Variants in C11orf65 observed in about 807,000 individuals in gnomAD.
C11orf65 encodes chromosome 11 open reading frame 65, also known as protein MFI.
C11orf65 carries 38 observed loss-of-function variants against 35.3 expected under a neutral mutation model. That is an observed-to-expected ratio of 1.08 (90% confidence interval 0.83 to 1.41). The LOEUF (loss-of-function observed/expected upper bound fraction) is 1.41. C11orf65 is among the 40% of genes most tolerant of loss of function. The pLI, the probability that C11orf65 is intolerant of heterozygous loss-of-function variation, is 0.00. For missense variants in C11orf65, 370 were observed against 367.1 expected (o/e 1.01, Z -0.06); for synonymous variants, 105 against 114.4 (o/e 0.92, Z 0.53).
At position 108,424,871 on chromosome 11, in the gene C11orf65, T is replaced by C. The variant is rs549437262; in HGVS notation, c.174+6875A>G. ...TAAAACTCACTCAAAACTGCACAACTACATGGAACCTTAACACCTGCTCCT... is the reference window on the plus strand; with the variant it reads ...TAAAACTCACTCAAAACTGCACAACCACATGGAACCTTAACACCTGCTCCT... On this transcript the variant is annotated intron_variant, in intron 3 of 8. Transcript: ENST00000393084. Among the ~76,000 whole-genome samples the C allele has an allele frequency of 7.0e-4, 106 of 152,232 alleles. 1 individual carries two copies. The South Asian group carries it at 0.021, about 31-fold the overall frequency.
At chr11:108,462,120 T>C (rs1045222023) in intron 1 of C11orf65, among the ~76,000 whole-genome samples, 2 of 152,242 alleles carry the variant, frequency 1.3e-5, no homozygotes, top group African/African-American at 2.4e-5. Context: ...CATAGGTCAC[T>C]GCAGCCTTGA....
chr11:108,352,449 G>A (rs760432172), intron 2 of C11orf65, among the ~76,000 whole-genome samples: 8 of 152,080 alleles, frequency 5.3e-5, no homozygotes, highest in East Asian at 1.9e-4. Context: ...AGACAGAGCC[G>A]TAGAAATTAC....
At chr11:108,438,751 A>G (rs2093105691) in intron 2 of C11orf65, among the ~76,000 whole-genome samples, 1 of 151,888 alleles carries the variant, frequency 6.6e-6, no homozygotes, top group Non-Finnish European at 1.5e-5. Context: ...CACGCTTGTA[A>G]TCCTAGCACT....
At chr11:108,325,045 A>G (rs1028241762) in intron 6 of C11orf65, among the ~76,000 whole-genome samples, 26 of 152,106 alleles carry the variant, frequency 1.7e-4, no homozygotes, top group African/African-American at 6.0e-4. Context: ...GCTTTTTGTA[A>G]TGTCAGAGTA....
rs143619765 is a variant in C11orf65 at position 108,383,065 on chromosome 11, G to T, written c.898C>A (p.Pro300Thr). The change falls in exon 9 of 9, where the codon CCA becomes ACA. Residue 300 changes from proline to threonine, a missense_variant. By Grantham distance (38) the Pro-to-Thr change is conservative. Transcript: ENST00000393084. The stretch of plus-strand genomic sequence containing the variant: ...TCAGGCGTTAATCTAGTTACATTTG[G>T]TTCTTGATAAACATTTTCATAGTAA... ...DTYYENVYQE[P>T]NVTRLTPDST... 2.7e-5 allele frequency: 43 copies of T among 1,611,338 alleles called. No individual in the cohort carries two copies. Among genetic ancestry groups the T allele is most frequent in the Non-Finnish European group, 3.5e-5 (41 of 1,179,004 alleles).
chr11:108,364,198 CTG>C (rs1183069486), intron 2 of C11orf65, among the ~76,000 whole-genome samples: 3 of 152,200 alleles, frequency 2.0e-5, no homozygotes, highest in Non-Finnish European at 4.4e-5. Flanking sequence ...TACTGAGAAA[CTG>C]TATACAGATA....
At chr11:108,323,676 A>C (rs1376267463) in intron 6 of C11orf65, among the ~76,000 whole-genome samples, 1 of 152,220 alleles carries the variant, frequency 6.6e-6, no homozygotes, top group African/African-American at 2.4e-5. Context: ...AATATGTACA[A>C]CTATTATGTA....
chr11:108,469,441 T>C (rs1237677413), upstream of C11orf65, among the ~76,000 whole-genome samples: 1 of 151,596 alleles, frequency 6.6e-6, no homozygotes, highest in Non-Finnish European at 1.5e-5. Context: ...ATACTGCTGT[T>C]TAGATATTAT....
intron 8 of C11orf65, 70 bp from the exon 9 acceptor site, chr11:108,383,245 G>A (rs2091905431): frequency 9.5e-6 from 12 of 1,263,000 alleles, no homozygotes; most frequent in South Asian, 8.9e-5. Context: ...ATGCTACTGT[G>A]TTGTGGTCTG....
At chr11:108,412,180 G>T (rs1054180427) in intron 3 of C11orf65, among the ~76,000 whole-genome samples, 2 of 151,968 alleles carry the variant, frequency 1.3e-5, no homozygotes, top group African/African-American at 4.8e-5. Flanking sequence ...AACAGATGGG[G>T]TTTTTGTCAG....
chr11:108,427,756 A>G (rs1005321571), intron 3 of C11orf65, among the ~76,000 whole-genome samples: 4 of 137,620 alleles, frequency 2.9e-5, no homozygotes, highest in African/African-American at 1.1e-4. Flanking sequence ...GCTCATCATT[A>G]CTGGTCATTA....
chr11:108,417,222 C>A (rs576603631), intron 3 of C11orf65, among the ~76,000 whole-genome samples: 1 of 152,150 alleles, frequency 6.6e-6, no homozygotes, highest in East Asian at 1.9e-4. Flanking sequence ...CAAAGAGTAT[C>A]CTACTGGATA....
intron 2 of C11orf65, among the ~76,000 whole-genome samples, chr11:108,438,257 G>T (rs1269353169): frequency 6.6e-6 from 1 of 152,060 alleles, no homozygotes; most frequent in Non-Finnish European, 1.5e-5. Flanking sequence ...AATCAAAATG[G>T]ATCAAAGATT....
downstream of C11orf65, among the ~76,000 whole-genome samples, chr11:108,329,947 G>T (rs1031289152): frequency 6.6e-6 from 1 of 152,192 alleles, no homozygotes; most frequent in Non-Finnish European, 1.5e-5. Context: ...AGCCTGTCTT[G>T]AATCTGTATA....
At chr11:108,410,074 A>G (rs2092627050) in intron 3 of C11orf65, among the ~76,000 whole-genome samples, 1 of 152,212 alleles carries the variant, frequency 6.6e-6, no homozygotes. Context: ...TTATCTTAAC[A>G]TAACCCTGCC....
intron 2 of C11orf65, among the ~76,000 whole-genome samples, chr11:108,370,456 A>T (rs1430844172): frequency 6.7e-6 from 1 of 150,122 alleles, no homozygotes; most frequent in East Asian, 1.9e-4. Context: ...ATTCCAATCT[A>T]TACTGTTTGC....
intron 2 of C11orf65, among the ~76,000 whole-genome samples, chr11:108,347,544 G>T (rs1256584116): frequency 6.6e-6 from 1 of 152,096 alleles, no homozygotes; most frequent in Non-Finnish European, 1.5e-5. Flanking sequence ...CTCTGCCTGG[G>T]GTACTGAGTG....
intron 6 of C11orf65, among the ~76,000 whole-genome samples, chr11:108,400,804 T>C (rs2092425299): frequency 6.6e-6 from 1 of 152,114 alleles, no homozygotes; most frequent in African/African-American, 2.4e-5. Context: ...ACAGAGTTCA[T>C]CAAGAAATAT....
In C11orf65 at chr11:108,450,017, A is replaced by C. The variant is rs1295100847; in HGVS notation, c.81+11462T>G. Among the ~76,000 whole-genome samples, 7 of 152,150 alleles carry C rather than the reference A, an allele frequency of 4.6e-5. No individual in the cohort carries two copies. The East Asian group carries it at 7.7e-4, about 17-fold the overall frequency. On this transcript the variant is annotated intron_variant, in intron 2 of 8. Transcript: ENST00000393084. ...CAAAAGAAGACATTTATGCAGCCAA[A>C]AAACACATGAAAAAATGCTCATCAT...
Sources: allele counts gnomAD v4.1 joint callset (sites outside exome capture counted in the v4.1 genomes callset), GRCh38; gene constraint gnomAD v4.1.1; transcripts MANE v1.5; gene names NCBI Gene and HGNC (gene_info 2026-07-23, HGNC 2026-07-21).